MKRN1: variants seen among roughly 807,000 people sequenced by gnomAD.
MKRN1 encodes the protein E3 ubiquitin-protein ligase makorin-1.
A neutral mutation model predicts 55.5 loss-of-function variants in MKRN1; 9 were observed. That is an observed-to-expected ratio of 0.16 (90% confidence interval 0.10 to 0.28). The LOEUF is 0.28. Ranked by LOEUF, MKRN1 falls within the 10% of genes least tolerant of loss-of-function variation. The pLI is 1.00. For synonymous variants in MKRN1, 253 were observed against 235.9 expected (o/e 1.07, Z -0.66); for missense variants, 488 against 626.7 (o/e 0.78, Z 2.36).
intron 4 of MKRN1, among the ~76,000 whole-genome samples, chr7:140,458,783 G>A (rs1344206216): frequency 1.3e-5 from 2 of 152,114 alleles, no homozygotes; most frequent in Non-Finnish European, 2.9e-5. Context: ...AGCCTAACAA[G>A]TAGCTGGGAC....
At chr7:140,464,055 T>A (rs550019366) in intron 2 of MKRN1, among the ~76,000 whole-genome samples, 2 of 152,078 alleles carry the variant, frequency 1.3e-5, no homozygotes, top group Non-Finnish European at 2.9e-5. Flanking sequence ...GTAGCTGGGA[T>A]TGCAGATGCG....
intron 4 of MKRN1, among the ~76,000 whole-genome samples, chr7:140,458,280 G>GA (rs1231218996): frequency 2.6e-5 from 4 of 152,146 alleles, no homozygotes; most frequent in Non-Finnish European, 5.9e-5. Context: ...CTCATGAATG[G>GA]AAAAACAAAT....
At chr7:140,457,551 G>A (rs1268582055) in intron 4 of MKRN1, among the ~76,000 whole-genome samples, 4 of 152,040 alleles carry the variant, frequency 2.6e-5, no homozygotes, top group East Asian at 1.9e-4. Flanking sequence ...TCAACATGGC[G>A]AAACCCCATC....
At chr7:140,460,940 T>C (rs1794600713) in intron 2 of MKRN1, among the ~76,000 whole-genome samples, 1 of 152,264 alleles carries the variant, frequency 6.6e-6, no homozygotes, top group Non-Finnish European at 1.5e-5. Flanking sequence ...AAACGGCCTT[T>C]GGCCAGATTT....
chr7:140,471,825 T>C, intron 2 of MKRN1, 58 bp downstream of exon 2: 1 of 1,584,206 alleles, frequency 6.3e-7, no homozygotes, highest in Non-Finnish European at 8.6e-7. Context: ...ATCAGAAGTA[T>C]GTCTTTTACC....
intron 2 of MKRN1, among the ~76,000 whole-genome samples, chr7:140,471,170 G>T (rs1245876671): frequency 6.6e-6 from 1 of 152,074 alleles, no homozygotes; most frequent in Admixed American, 6.6e-5. Flanking sequence ...GATTGCTTGA[G>T]CCCAGGAATC....
In MKRN1 at chr7:140,479,411, G is replaced by A. The variant is rs891953061; in HGVS notation, c.-67C>T. The A allele has an allele frequency of 1.4e-5, 18 of 1,254,766 alleles. No homozygotes were observed. The highest frequency in any genetic ancestry group is 1.6e-5 in the Non-Finnish European group (16 of 994,746). 77.7% of individuals were successfully genotyped at this position (1,254,766 alleles called of 1,614,324 possible). ...ATCACATAGTTCCGGTCCGGCTGCG[G>A]GGAGAGGACGGCGAGGCCAGGCGAG... On this transcript the variant is annotated 5_prime_UTR_variant, in exon 1 of 8. Coordinates refer to ENST00000255977, the MANE Select transcript of MKRN1 (RefSeq NM_013446.4).
chr7:140,477,281 C>A (rs538897208), intron 1 of MKRN1, among the ~76,000 whole-genome samples: 77 of 151,988 alleles, frequency 5.1e-4, no homozygotes, highest in Admixed American at 2.2e-3. Flanking sequence ...ATACAAAAAA[C>A]CCCCAAAAAC....
intron 2 of MKRN1, among the ~76,000 whole-genome samples, chr7:140,469,791 G>A (rs894899520): frequency 2.0e-5 from 3 of 152,022 alleles, no homozygotes; most frequent in Non-Finnish European, 4.4e-5. Flanking sequence ...GGGCGCGGTG[G>A]CTCATGCCTA....
At chr7:140,477,529 G>C (rs1795161137) in intron 1 of MKRN1, among the ~76,000 whole-genome samples, 1 of 151,064 alleles carries the variant, frequency 6.6e-6, no homozygotes, top group African/African-American at 2.4e-5. Context: ...TCACCATCTT[G>C]GCCAGGCTGG....
chr7:140,466,254 G>A (rs1308660651), intron 2 of MKRN1, among the ~76,000 whole-genome samples: 1 of 152,156 alleles, frequency 6.6e-6, no homozygotes, highest in Non-Finnish European at 1.5e-5. Flanking sequence ...CTTTCAAGTA[G>A]ACTACTATAG....
At chr7:140,473,094 C>G in intron 1 of MKRN1, 1 of 338,506 alleles carries the variant, frequency 3.0e-6, no homozygotes. Flanking sequence ...GAGACTCCAT[C>G]TCAAAAAGAA....
chr7:140,454,807 C>A lies in MKRN1; in HGVS notation c.1237-78G>T, dbSNP rs1563085189. 4.9e-6 allele frequency: 7 copies of A among 1,426,198 alleles called. No homozygotes were observed. The East Asian group carries it at 1.6e-4, about 33-fold the overall frequency. 88.3% of individuals were successfully genotyped at this position (1,426,198 alleles called of 1,614,324 possible). On this transcript the variant is annotated intron_variant, in intron 7 of 7. Coordinates refer to ENST00000255977, the MANE Select transcript of MKRN1 (RefSeq NM_013446.4). ...TCCTGTTGTTTATAAGGCAAAACGT[C>A]CAGCACACCAGAGGGCATGACGAAC...
intron 2 of MKRN1, among the ~76,000 whole-genome samples, chr7:140,471,246 G>A (rs551560993): frequency 1.3e-5 from 2 of 152,032 alleles, no homozygotes; most frequent in East Asian, 3.9e-4. Flanking sequence ...ATGAGGTGGT[G>A]CATCCCTGTG....
At chr7:140,455,730 T>C in intron 6 of MKRN1, 60 bp downstream of exon 6, 1 of 1,382,118 alleles carries the variant, frequency 7.2e-7, no homozygotes, top group Non-Finnish European at 1.0e-6. Flanking sequence ...ACCATTCTTT[T>C]CAAAGTGAAC....
chr7:140,462,166 G>A (rs540457157), intron 2 of MKRN1, among the ~76,000 whole-genome samples: 3 of 151,920 alleles, frequency 2.0e-5, no homozygotes, highest in East Asian at 3.9e-4. Flanking sequence ...TAGCTGGGAC[G>A]ACAGGTGTGT....
intron 1 of MKRN1, chr7:140,474,453 G>A: frequency 2.9e-6 from 1 of 349,506 alleles, no homozygotes; most frequent in Non-Finnish European, 5.9e-6. Context: ...GGGCCCAGAG[G>A]TTGCAGTGAA....
intron 1 of MKRN1, 31 bp downstream of exon 1, chr7:140,479,129 G>T: frequency 7.7e-7 from 1 of 1,292,146 alleles, no homozygotes; most frequent in Non-Finnish European, 9.8e-7. Flanking sequence ...CCCCCTCCCC[G>T]CGCCCGGCGC....
intron 2 of MKRN1, among the ~76,000 whole-genome samples, chr7:140,461,830 A>G (rs1794629200): frequency 6.6e-6 from 1 of 151,836 alleles, no homozygotes; most frequent in African/African-American, 2.4e-5. Flanking sequence ...CTAAAAATAC[A>G]AAATTAGCCA....
Sources: gnomAD v4.1 joint callset for allele counts (sites outside exome capture counted in the v4.1 genomes callset) on GRCh38, gnomAD v4.1.1 for gene constraint, MANE v1.5 for transcripts, NCBI Gene and HGNC (gene_info 2026-07-23, HGNC 2026-07-21) for gene names.